The following FAAH2 variants were observed in gnomAD, a reference collection of about 807,000 sequenced individuals.
The protein encoded by FAAH2 is fatty acid amide hydrolase 2, also known as fatty-acid amide hydrolase 2.
In FAAH2, 60 loss-of-function variants were observed where a neutral mutation model predicts 36.9. The observed-to-expected ratio is 1.63, with a 90% confidence interval of 1.32 to 2.02. FAAH2 has a LOEUF of 2.02. Among genes scored for constraint, FAAH2 ranks in the 30% most tolerant of loss-of-function variants. The pLI is 0.00. For synonymous variants in FAAH2, 214 were observed against 143.8 expected, an observed-to-expected ratio of 1.49 and a Z score of -3.49; for missense variants, 689 against 397.5, an observed-to-expected ratio of 1.73 and a Z score of -6.23.
intron 7 of FAAH2, among the ~76,000 whole-genome samples, chrX:57,430,989 A>C (rs146555672): frequency 8.9e-6 from 1 of 111,747 alleles, no homozygotes; most frequent in African/African-American, 3.3e-5. Flanking sequence ...TTTCAACTTC[A>C]TTTAGTGTAG....
chrX:57,385,216 A>G (rs2054983893), intron 7 of FAAH2, among the ~76,000 whole-genome samples: 1 of 107,820 alleles, frequency 9.3e-6, no homozygotes, highest in African/African-American at 3.4e-5. Flanking sequence ...CCAACATGGC[A>G]CATGTATACA....
the FAAH2 span, among the ~76,000 whole-genome samples, chrX:57,223,432 C>T: frequency 1.8e-5 from 2 of 111,778 alleles, no homozygotes; most frequent in African/African-American, 6.5e-5. Context: ...TCAAAGCCTT[C>T]CTCACCTCCA....
the FAAH2 span, among the ~76,000 whole-genome samples, chrX:57,142,803 A>G: frequency 2.7e-5 from 3 of 111,762 alleles, no homozygotes; most frequent in East Asian, 8.3e-4. Context: ...GGATGCATAT[A>G]TATTTACAAT....
At chrX:57,261,576 GA>G in the FAAH2 span, among the ~76,000 whole-genome samples, 4 of 78,719 alleles carry the variant, frequency 5.1e-5, no homozygotes, top group Non-Finnish European at 5.1e-5. Flanking sequence ...AAAAAAAAAA[GA>G]AAAAAATAAG....
intron 7 of FAAH2, among the ~76,000 whole-genome samples, chrX:57,404,952 T>C (rs2055529876): frequency 9.0e-6 from 1 of 111,214 alleles, no homozygotes; most frequent in Admixed American, 9.5e-5. Context: ...CCCAGAAAAA[T>C]TGAAAGCAGA....
intron 7 of FAAH2, among the ~76,000 whole-genome samples, chrX:57,417,241 T>C (rs1387269385): frequency 8.9e-6 from 1 of 112,161 alleles, no homozygotes; most frequent in Non-Finnish European, 1.9e-5. Flanking sequence ...TTCATCAAAC[T>C]CTTTCTCTGT....
chrX:57,422,230 T>C (rs764814060), intron 7 of FAAH2, among the ~76,000 whole-genome samples: 1 of 112,015 alleles, frequency 8.9e-6, no homozygotes, highest in Non-Finnish European at 1.9e-5. Flanking sequence ...TTCTCCAGGA[T>C]CCATCTGTTT....
chrX:57,233,750 A>T, the FAAH2 span, among the ~76,000 whole-genome samples: 7 of 112,706 alleles, frequency 6.2e-5, no homozygotes, highest in Non-Finnish European at 1.1e-4. Flanking sequence ...AGTGATTCTC[A>T]TGCCCCAACC....
At chrX:57,296,952 G>C (rs2052182446) in intron 2 of FAAH2, among the ~76,000 whole-genome samples, 1 of 109,840 alleles carries the variant, frequency 9.1e-6, no homozygotes, top group Non-Finnish European at 1.9e-5. Flanking sequence ...ATGGGACTAT[G>C]TGAAAACACC....
chrX:57,417,815 T>C (rs1026705547), intron 7 of FAAH2, among the ~76,000 whole-genome samples: 1 of 112,033 alleles, frequency 8.9e-6, no homozygotes, highest in South Asian at 3.7e-4. Context: ...TTAAGTCTGC[T>C]GAAGCTGGGC....
the FAAH2 span, among the ~76,000 whole-genome samples, chrX:57,179,197 A>G: frequency 2.7e-5 from 3 of 111,765 alleles, no homozygotes; most frequent in Non-Finnish European, 3.8e-5. Context: ...CAGAGATAGT[A>G]TAAAGCAACT....
At chrX:57,486,711 T>C (rs1348998795) in intron 10 of FAAH2, among the ~76,000 whole-genome samples, 1 of 111,705 alleles carries the variant, frequency 9.0e-6, no homozygotes, top group Non-Finnish European at 1.9e-5. Flanking sequence ...TTTACAGCTC[T>C]CTTTTCCCCT....
chrX:57,177,346 C>A, the FAAH2 span, among the ~76,000 whole-genome samples: 1 of 107,097 alleles, frequency 9.3e-6, no homozygotes, highest in Non-Finnish European at 1.9e-5. Context: ...TGCTGATGTT[C>A]CAAGTAGAGA....
At chrX:57,404,210 T>A (rs1474598789) in intron 7 of FAAH2, among the ~76,000 whole-genome samples, 1 of 112,319 alleles carries the variant, frequency 8.9e-6, no homozygotes, top group African/African-American at 3.2e-5. Flanking sequence ...TATAGGGTCA[T>A]GGAGAAAACT....
chrX:57,237,817 A>G, the FAAH2 span, among the ~76,000 whole-genome samples: 14 of 111,432 alleles, frequency 1.3e-4, no homozygotes, highest in African/African-American at 4.6e-4. Context: ...AAAACAAACA[A>G]TCCCATTAAA....
chrX:57,185,604 A>G, the FAAH2 span, among the ~76,000 whole-genome samples: 314 of 109,768 alleles, frequency 2.9e-3, 2 homozygotes, highest in African/African-American at 9.9e-3. Flanking sequence ...GGTTTGTTAC[A>G]TAAGTATACA....
chrX:57,454,136 A>G (rs1344176650), intron 10 of FAAH2, among the ~76,000 whole-genome samples: 2 of 111,984 alleles, frequency 1.8e-5, no homozygotes, highest in African/African-American at 6.5e-5. Context: ...GAGAGTAGGA[A>G]GAGCCTATCT....
the FAAH2 span, among the ~76,000 whole-genome samples, chrX:57,249,878 A>G: frequency 1.8e-5 from 2 of 112,235 alleles, no homozygotes; most frequent in Non-Finnish European, 3.8e-5. Flanking sequence ...TTGATTTAGG[A>G]GGAATGCAGT....
intron 5 of FAAH2, among the ~76,000 whole-genome samples, chrX:57,349,941 G>C (rs5914977): frequency 9.1e-6 from 1 of 109,340 alleles, no homozygotes; most frequent in South Asian, 3.9e-4. Flanking sequence ...AAAAATCTTC[G>C]TCACAGCACA....
Sources: allele counts gnomAD v4.1 joint callset (sites outside exome capture counted in the v4.1 genomes callset), GRCh38; gene constraint gnomAD v4.1.1; transcripts MANE v1.5; gene names NCBI Gene and HGNC (gene_info 2026-07-23, HGNC 2026-07-21).